TMEM63A: variants seen among roughly 807,000 people sequenced by gnomAD.
The protein encoded by TMEM63A is transmembrane protein 63A, also known as mechanosensitive cation channel TMEM63A.
TMEM63A carries 76 observed loss-of-function variants against 100.6 expected under a neutral mutation model. The observed-to-expected ratio is 0.76, with a 90% confidence interval of 0.63 to 0.91. TMEM63A has a LOEUF of 0.91. Ranked by LOEUF, TMEM63A falls within the 40% of genes least tolerant of loss-of-function variation. The probability of loss-of-function intolerance (pLI) is 0.00; values close to 1 mark genes in which losing one functional copy is unlikely to be tolerated. For missense variants in TMEM63A, 876 were observed against 1,008.8 expected, an observed-to-expected ratio of 0.87 and a Z score of 1.78; for synonymous variants, 401 against 401.1, an observed-to-expected ratio of 1.00 and a Z score of 0.00.
intron 20 of TMEM63A, among the ~76,000 whole-genome samples, chr1:225,850,735 A>T (rs1165029846): frequency 1.3e-5 from 2 of 152,030 alleles, no homozygotes; most frequent in African/African-American, 4.8e-5. Context: ...TGTTTTTTTG[A>T]GACAGAGTCT....
chr1:225,849,826 G>A, intron 21 of TMEM63A, 86 bp downstream of exon 21: 1 of 1,514,660 alleles, frequency 6.6e-7, no homozygotes, highest in Non-Finnish European at 9.0e-7. Flanking sequence ...TGCTGATGCT[G>A]TGAAAGCAAT....
chr1:225,856,580 A>G, intron 17 of TMEM63A, 72 bp downstream of exon 17: 1 of 1,520,238 alleles, frequency 6.6e-7, no homozygotes, highest in Non-Finnish European at 9.0e-7. Context: ...AACCGTTTGC[A>G]TTCTCCTGGG....
intron 20 of TMEM63A, 45 bp from the exon 21 acceptor site, chr1:225,850,124 C>G (rs762609594): frequency 5.0e-6 from 8 of 1,606,988 alleles, no homozygotes; most frequent in Non-Finnish European, 6.0e-6. Context: ...CAGGGCCACA[C>G]AGACACCTCT....
downstream of TMEM63A, chr1:225,845,362 C>T (rs200292137): frequency 1.9e-6 from 3 of 1,570,814 alleles, no homozygotes; most frequent in African/African-American, 2.7e-5. Flanking sequence ...CCCCTCTCCC[C>T]CCGCCTGCCA....
intron 20 of TMEM63A, among the ~76,000 whole-genome samples, 162 bp from the exon 21 acceptor site, chr1:225,850,241 T>A (rs763257139): frequency 5.3e-5 from 8 of 152,152 alleles, no homozygotes; most frequent in Non-Finnish European, 1.0e-4. Flanking sequence ...GGCTACTAGT[T>A]TTTTTTCACT....
In TMEM63A at chr1:225,862,658, C is replaced by T. The variant is rs1000873767; in HGVS notation, c.828-80G>A. On this transcript the variant is annotated intron_variant, in intron 11 of 24. Coordinates refer to ENST00000366835, the MANE Select transcript of TMEM63A (RefSeq NM_014698.3). This position sits in a 1 kb window ranked among gnomAD's most constrained non-coding sequence, Gnocchi z 5.1. ...ACCCCCATACCCACAGTTCAACCAT[C>T]GAACGCCAGGGGAGAAGGAGGGGTC... The T allele has an allele frequency of 3.3e-5, 53 of 1,601,208 alleles. No homozygotes were observed. The African/African-American group carries it at 5.4e-4, about 16-fold the overall frequency.
In TMEM63A at chr1:225,878,881, TACCTACACACACAC is replaced by T. The variant is rs1174631332; in HGVS notation, c.-15+325_-15+338del. 9.0e-5 allele frequency among the ~76,000 whole-genome samples: 8 copies of T among 89,068 alleles called. No homozygotes were observed. In the Admixed American group the frequency reaches 9.5e-4, roughly 11 times the overall value. 58.4% of individuals were successfully genotyped at this position (89,068 alleles called of 152,430 possible). A position where few individuals can be genotyped will look rare whatever the true frequency, so the allele number is the denominator to read the frequency against. On this transcript the variant is annotated intron_variant, in intron 2 of 24. Transcript: ENST00000366835. Reference sequence around the variant, plus strand: ...ATGGACACCTACCTACCTACCTACCTACCTACACACACACACACACACACACACACACACACACA... The same window carrying T: ...ATGGACACCTACCTACCTACCTACCTACACACACACACACACACACACACA...
chr1:225,851,656 A>T (rs1312804300), intron 20 of TMEM63A, among the ~76,000 whole-genome samples: 1 of 152,260 alleles, frequency 6.6e-6, no homozygotes, highest in Non-Finnish European at 1.5e-5. Flanking sequence ...GGCATAAGCC[A>T]TCGTGCCCAG....
chr1:225,874,226 G>A (rs773795782), intron 4 of TMEM63A, 62 bp downstream of exon 4: 68 of 1,483,134 alleles, frequency 4.6e-5, no homozygotes, highest in Middle Eastern at 1.7e-4. Flanking sequence ...ACACACTCAC[G>A]CACATATACA....
intron 1 of TMEM63A, among the ~76,000 whole-genome samples, chr1:225,881,432 G>A (rs1048226504): frequency 6.6e-6 from 1 of 152,214 alleles, no homozygotes; most frequent in African/African-American, 2.4e-5. Context: ...CGCCCCTCCA[G>A]CTAATGGGAA....
At chr1:225,842,395 C>G, downstream of TMEM63A, 7 of 1,614,032 alleles carry the variant, frequency 4.3e-6, no homozygotes, top group Non-Finnish European at 5.1e-6. Context: ...TCCTGTGGGT[C>G]TGGCTGCCTA....
Position 225,871,684 on chromosome 1 carries a change from A to C in TMEM63A, c.333+303T>G, listed in dbSNP as rs1352045374. The C allele has an allele frequency of 8.0e-6, 3 of 374,220 alleles. No homozygotes were observed. In the East Asian group the frequency reaches 1.3e-4, roughly 16 times the overall value. The allele number at this position is 374,220 out of a possible 1,614,324, so 23.2% of individuals were successfully genotyped here. ...GGCTCCTGCCCACATCTGGCTCATA[A>C]TCCAGCCAGCAAGTCCATAATTAAC... On this transcript the variant is annotated intron_variant, in intron 5 of 24. Coordinates refer to ENST00000366835, the MANE Select transcript of TMEM63A (RefSeq NM_014698.3).
At chr1:225,868,175 G>C (rs1300478870) in intron 6 of TMEM63A, 145 bp from the exon 7 acceptor site, 1 of 1,045,252 alleles carries the variant, frequency 9.6e-7, no homozygotes, top group African/African-American at 1.6e-5. Flanking sequence ...AGGAAATAAA[G>C]GCACAGGAAA....
intron 2 of TMEM63A, among the ~76,000 whole-genome samples, chr1:225,878,553 G>A (rs531856254): frequency 6.6e-6 from 1 of 152,270 alleles, no homozygotes; most frequent in African/African-American, 2.4e-5. Flanking sequence ...AATCTCCAGT[G>A]TCTGTCCCCT....
At position 225,862,727 on chromosome 1, in the gene TMEM63A, G is replaced by T. The variant is rs1670006160; in HGVS notation, c.827+44C>A. 3 of 1,613,104 alleles carry T rather than the reference G, an allele frequency of 1.9e-6. No homozygotes were observed. Among genetic ancestry groups the T allele is most frequent in the Non-Finnish European group, 2.5e-6 (3 of 1,179,448 alleles). On this transcript the variant is annotated intron_variant, in intron 11 of 24. Coordinates refer to ENST00000366835, the MANE Select transcript of TMEM63A (RefSeq NM_014698.3). The surrounding 1 kb of genome is among the most constrained non-coding windows in gnomAD (Gnocchi z 5.1). Reference sequence around the variant, plus strand: ...TTCCTAGCTGGGAGATGCGAGGCCAGCAAGGAAGGAGGGGGCATCTTGCAA... The same window carrying T: ...TTCCTAGCTGGGAGATGCGAGGCCATCAAGGAAGGAGGGGGCATCTTGCAA...
chr1:225,868,286 T>G (rs911812062), intron 6 of TMEM63A, among the ~76,000 whole-genome samples: 1 of 152,142 alleles, frequency 6.6e-6, no homozygotes, highest in Non-Finnish European at 1.5e-5. Context: ...CCATCTGATG[T>G]TGCTAGAAAC....
rs151274660 is a variant in TMEM63A, at chr1:225,856,530, G to A, written c.1571+122C>T. The A allele has an allele frequency of 1.6e-4, 152 of 933,448 alleles. No homozygotes were observed. In the African/African-American group the frequency reaches 1.7e-3, roughly 11 times the overall value. 57.8% of individuals were successfully genotyped at this position (933,448 alleles called of 1,614,324 possible). A position where few individuals can be genotyped will look rare whatever the true frequency, so the allele number is the denominator to read the frequency against. On this transcript the variant is annotated intron_variant, in intron 17 of 24. Transcript: ENST00000366835. The stretch of plus-strand genomic sequence containing the variant: ...GCCCTACTGCACGCCGAGTGGTTGC[G>A]ACAGGCTTAGATATTGTTAGAGGTT...
intron 15 of TMEM63A, among the ~76,000 whole-genome samples, 200 bp downstream of exon 15, chr1:225,858,996 G>C (rs982498406): frequency 2.8e-5 from 3 of 107,530 alleles, no homozygotes; most frequent in African/African-American, 1.1e-4. Flanking sequence ...GTGTGTGTGT[G>C]TATGGCATTA....
rs1190553748 is a variant in TMEM63A, at chr1:225,871,132, G to T, written c.334-19C>A. The T allele has an allele frequency of 6.2e-7, 1 of 1,613,056 alleles. No individual in the cohort carries two copies. The highest frequency in any genetic ancestry group is 8.5e-7 in the Non-Finnish European group (1 of 1,179,250). ...AGCATCCCTGGAAACGGAGAGAACA[G>T]GGATTAGCTTCCAACATTTGTGTCT... On this transcript the variant is annotated intron_variant, in intron 5 of 24. Coordinates refer to ENST00000366835, the MANE Select transcript of TMEM63A (RefSeq NM_014698.3).
Sources: allele counts gnomAD v4.1 joint callset (sites outside exome capture counted in the v4.1 genomes callset), GRCh38; gene constraint gnomAD v4.1.1; non-coding constraint Gnocchi (gnomAD v3.1); transcripts MANE v1.5; gene names NCBI Gene and HGNC (gene_info 2026-07-23, HGNC 2026-07-21).